Variants in CHST2 observed in about 807,000 individuals in gnomAD.
CHST2 encodes N-acetylglucosamine 6-O-sulfotransferase 1.
Under a neutral mutation model 34.6 loss-of-function variants are expected in CHST2, and 23 were observed. The ratio of observed to expected loss-of-function variants is 0.67; its 90% CI spans 0.48 to 0.94. The LOEUF is 0.94. Ranked by LOEUF, CHST2 falls within the 40% of genes least tolerant of loss-of-function variation. CHST2 has a pLI of 0.00. For missense variants in CHST2, 720 were observed against 759.5 expected (o/e 0.95, Z 0.61); for synonymous variants, 392 against 343.1 (o/e 1.14, Z -1.58).
chr3:143,123,238 T>A lies in CHST2; in HGVS notation c.*829T>A, dbSNP rs1212508043. The A allele has an allele frequency of 6.6e-6, 1 of 152,172 alleles. No individual in the cohort carries two copies. Among genetic ancestry groups the A allele is most frequent in the East Asian group, 1.9e-4 (1 of 5,188 alleles). The allele number at this position is 152,172 out of a possible 1,614,324, so 9.4% of individuals were successfully genotyped here. A position where few individuals can be genotyped will look rare whatever the true frequency, so the allele number is the denominator to read the frequency against. ...GGCAGTGGAAGAAAAAGCACACTAC[T>A]CTCTTCAACTTTGAACACAGGAAGA... On this transcript the variant is annotated 3_prime_UTR_variant, in exon 2 of 2. Coordinates refer to ENST00000309575, the MANE Select transcript of CHST2 (RefSeq NM_004267.5).
Position 143,121,306 on chromosome 3 carries a change from C to A in CHST2, c.490C>A (p.Arg164=). ...GGGCACCGGGGGCGTCGGGGACAAGCGGCAGCTGGTGTACGTGTTCACCAC... is the reference window on the plus strand; with the variant it reads ...GGGCACCGGGGGCGTCGGGGACAAGAGGCAGCTGGTGTACGTGTTCACCAC... ...TRGTGGVGDK[R]QLVYVFTTWR... Residue 164 remains arginine, a synonymous_variant, in exon 2 of 2, where the codon CGG becomes AGG. Transcript: ENST00000309575. The A allele has an allele frequency of 6.2e-7, 1 of 1,612,590 alleles. No homozygotes were observed. The highest frequency in any genetic ancestry group is 8.5e-7 in the Non-Finnish European group (1 of 1,179,614).
At position 143,120,879 on chromosome 3, in the gene CHST2, G is replaced by A. The variant is rs987958703; in HGVS notation, c.63G>A (p.Ala21=). The A allele has an allele frequency of 2.8e-6, 4 of 1,449,478 alleles. No individual in the cohort carries two copies. Among genetic ancestry groups the A allele is most frequent in the Middle Eastern group, 2.5e-4 (1 of 4,066 alleles). 89.8% of individuals were successfully genotyped at this position (1,449,478 alleles called of 1,614,324 possible). The part of the protein sequence containing the change: ...PGALPRLLQA[A]PAAAPRALLP... Reference sequence around the variant, plus strand: ...CGCTCCCTCGGCTGCTCCAGGCTGCGCCTGCAGCCGCGCCGCGTGCCCTGC... The same window carrying A: ...CGCTCCCTCGGCTGCTCCAGGCTGCACCTGCAGCCGCGCCGCGTGCCCTGC... The change falls in exon 2 of 2, where the codon GCG becomes GCA. Residue 21 remains alanine, a synonymous_variant. Transcript: ENST00000309575. The surrounding 1 kb of genome is among the most constrained non-coding windows in gnomAD (Gnocchi z 4.1).
At position 143,122,267 on chromosome 3, in the gene CHST2, G is replaced by T. The variant is rs201105723; in HGVS notation, c.1451G>T (p.Arg484Leu). The change falls in exon 2 of 2, where the codon CGG becomes CTG. Residue 484 changes from arginine to leucine, a missense_variant. By Grantham distance (102) the Arg-to-Leu change is moderately radical. This residue lies in a region of CHST2 where 224 missense variants were observed against 227.8 expected (regional missense o/e 0.98). Coordinates refer to ENST00000309575, the MANE Select transcript of CHST2 (RefSeq NM_004267.5). ...GCCACGCAGGCCGCCAATGCCTGGC[G>T]GACCGCCCTCACCTTCCAGCAGATC... ...RNATQAANAW[R>L]TALTFQQIKQ... 1 of 1,614,106 alleles carries T rather than the reference G, an allele frequency of 6.2e-7. No individual in the cohort carries two copies. Among genetic ancestry groups the T allele is most frequent in the Non-Finnish European group, 8.5e-7 (1 of 1,180,026 alleles).
chr3:143,122,088 G>C lies in CHST2; in HGVS notation c.1272G>C (p.Arg424=), dbSNP rs1214699142. Residue 424 remains arginine (R), a synonymous_variant, in exon 2 of 2, where the codon CGG becomes CGC. Coordinates refer to ENST00000309575, the MANE Select transcript of CHST2 (RefSeq NM_004267.5). ...TGCAGGGCCACTACCTGGTGGTGCG[G>C]TACGAGGACCTGGTGGGAGACCCCG... ...DWLQGHYLVV[R]YEDLVGDPVK... The C allele has an allele frequency of 6.2e-7, 1 of 1,614,190 alleles. No homozygotes were observed. Among genetic ancestry groups the C allele is most frequent in the South Asian group, 1.1e-5 (1 of 91,088 alleles).
At position 143,123,410 on chromosome 3, in the gene CHST2, T is replaced by G. The variant is rs1936257633; in HGVS notation, c.*1001T>G. The G allele has an allele frequency of 6.6e-6, 1 of 152,214 alleles. No homozygotes were observed. Among genetic ancestry groups the G allele is most frequent in the South Asian group, 2.1e-4 (1 of 4,830 alleles). The allele number at this position is 152,214 out of a possible 1,614,324, so 9.4% of individuals were successfully genotyped here. A position where few individuals can be genotyped will look rare whatever the true frequency, so the allele number is the denominator to read the frequency against. On this transcript the variant is annotated 3_prime_UTR_variant, in exon 2 of 2. Coordinates refer to ENST00000309575, the MANE Select transcript of CHST2 (RefSeq NM_004267.5). Reference sequence around the variant, plus strand: ...AAAAGTATGTAATTTTTAAAAGTTCTGATGATTAGAACACAGACCTCAGGA... The same window carrying G: ...AAAAGTATGTAATTTTTAAAAGTTCGGATGATTAGAACACAGACCTCAGGA...
At position 143,121,043 on chromosome 3, in the gene CHST2, A is replaced by C; in HGVS notation, c.227A>C (p.Tyr76Ser). ...LVLTMLNLLD[Y>S]KWHKEPLQQC... ...CTCACTATGCTCAACCTCCTGGACT[A>C]CAAGTGGCACAAGGAGCCGCTGCAG... Residue 76 changes from tyrosine to serine, a missense_variant, in exon 2 of 2, where the codon TAC becomes TCC. Tyr to Ser is a moderately radical substitution (Grantham distance 144). Around this residue, in one of 4 missense-constraint regions of CHST2, gnomAD observed 287 missense variants for 242.7 expected, o/e 1.18. Transcript: ENST00000309575. 2 of 1,524,718 alleles carry C rather than the reference A, an allele frequency of 1.3e-6. No homozygotes were observed. Among genetic ancestry groups the C allele is most frequent in the Non-Finnish European group, 1.8e-6 (2 of 1,137,184 alleles). 94.4% of individuals were successfully genotyped at this position (1,524,718 alleles called of 1,614,324 possible).
chr3:143,121,383 G>T lies in CHST2; in HGVS notation c.567G>T (p.Glu189Asp). 1 of 1,613,764 alleles carries T rather than the reference G, an allele frequency of 6.2e-7. No individual in the cohort carries two copies. The highest frequency in any genetic ancestry group is 8.5e-7 in the Non-Finnish European group (1 of 1,180,016). Residue 189 changes from glutamate (E) to aspartate (D), a missense_variant, in exon 2 of 2, where the codon GAG becomes GAT. Physicochemically the swap from Glu to Asp is conservative, Grantham distance 45. Transcript: ENST00000309575. Reference sequence around the variant, plus strand: ...GCGAGCTATTCAACCAGAATCCCGAGGTGTTCTTTCTCTACGAGCCAGTGT... The same window carrying T: ...GCGAGCTATTCAACCAGAATCCCGATGTGTTCTTTCTCTACGAGCCAGTGT... The part of the protein sequence containing the change: ...FFGELFNQNP[E>D]VFFLYEPVWH...
Position 143,121,515 on chromosome 3 carries a change from G to C in CHST2, c.699G>C (p.Leu233Phe), listed in dbSNP as rs1936217816. Residue 233 changes from leucine to phenylalanine, a missense_variant, in exon 2 of 2, where the codon TTG (leucine) becomes TTC (phenylalanine). Around this residue, in one of 4 missense-constraint regions of CHST2, gnomAD observed 166 missense variants for 211.4 expected, o/e 0.79. Transcript: ENST00000309575. ...LYRCDLSVFQ[L>F]YSPAGSGGRN... ...GCTGCGACCTCTCTGTCTTCCAGTT[G>C]TATAGCCCCGCGGGCAGCGGGGGGC... 6 of 1,611,072 alleles carry C rather than the reference G, an allele frequency of 3.7e-6. No homozygotes were observed. In the East Asian group the frequency reaches 1.3e-4, roughly 36 times the overall value.
Position 143,120,098 on chromosome 3 carries a change from C to G in CHST2, c.-617C>G, listed in dbSNP as rs1272689974. On this transcript the variant is annotated 5_prime_UTR_variant, in exon 1 of 2. Coordinates refer to ENST00000309575, the MANE Select transcript of CHST2 (RefSeq NM_004267.5). The surrounding 1 kb of genome is among the most constrained non-coding windows in gnomAD (Gnocchi z 4.1). ...CCGCCGCCGCCGCTGCGGGGTCGCG[C>G]TGTGCCCCATCCACCGCTGCCAGAG... 6.6e-6 allele frequency: 1 copy of G among 152,486 alleles called. No homozygotes were observed. Among genetic ancestry groups the G allele is most frequent in the Non-Finnish European group, 1.5e-5 (1 of 68,340 alleles). The allele number at this position is 152,486 out of a possible 1,614,324, so 9.4% of individuals were successfully genotyped here.
At position 143,120,862 on chromosome 3, in the gene CHST2, C is replaced by T. The variant is rs552485505; in HGVS notation, c.46C>T (p.Arg16Trp). The change falls in exon 2 of 2, where the codon CGG (arginine) becomes TGG (tryptophan). Residue 16 changes from arginine to tryptophan, a missense_variant. Physicochemically the swap from Arg to Trp is moderately radical, Grantham distance 101. Coordinates refer to ENST00000309575, the MANE Select transcript of CHST2 (RefSeq NM_004267.5). The surrounding 1 kb of genome is among the most constrained non-coding windows in gnomAD (Gnocchi z 4.1). Reference sequence around the variant, plus strand: ...AGCTCTGCCCCCGGGCGCGCTCCCTCGGCTGCTCCAGGCTGCGCCTGCAGC... The same window carrying T: ...AGCTCTGCCCCCGGGCGCGCTCCCTTGGCTGCTCCAGGCTGCGCCTGCAGC... The part of the protein sequence containing the change: ...QRALPPGALP[R>W]LLQAAPAAAP... 813 of 1,377,312 alleles carry T rather than the reference C, an allele frequency of 5.9e-4. 11 individuals are homozygous for T. The African/African-American group carries it at 0.011, about 18-fold the overall frequency. 85.3% of individuals were successfully genotyped at this position (1,377,312 alleles called of 1,614,324 possible).
At position 143,120,707 on chromosome 3, in the gene CHST2, C is replaced by T; in HGVS notation, c.-110C>T. The T allele has an allele frequency of 1.9e-6, 2 of 1,066,966 alleles. No homozygotes were observed. The highest frequency in any genetic ancestry group is 2.3e-6 in the Non-Finnish European group (2 of 856,230). 66.1% of individuals were successfully genotyped at this position (1,066,966 alleles called of 1,614,324 possible). On this transcript the variant is annotated 5_prime_UTR_variant, in exon 2 of 2. Coordinates refer to ENST00000309575, the MANE Select transcript of CHST2 (RefSeq NM_004267.5). The surrounding 1 kb of genome is among the most constrained non-coding windows in gnomAD (Gnocchi z 4.1). The stretch of plus-strand genomic sequence containing the variant: ...GGGCGCTGGGGACCAGCCGCCGCGC[C>T]CGCCTCGGAGTCGCGGCCCGAGTCC...
rs927836336 is a variant in CHST2, at chr3:143,120,895, C to A, written c.79C>A (p.Arg27Ser). ...CCAGGCTGCGCCTGCAGCCGCGCCG[C>A]GTGCCCTGCTCCCGCAGTGGCCCCG... The part of the protein sequence containing the change: ...LLQAAPAAAP[R>S]ALLPQWPRRP... Residue 27 changes from arginine to serine, a missense_variant, in exon 2 of 2, where the codon CGT becomes AGT. Coordinates refer to ENST00000309575, the MANE Select transcript of CHST2 (RefSeq NM_004267.5). The surrounding 1 kb of genome is among the most constrained non-coding windows in gnomAD (Gnocchi z 4.1). 6.7e-7 allele frequency: 1 copy of A among 1,491,582 alleles called. No homozygotes were observed. Among genetic ancestry groups the A allele is most frequent in the Non-Finnish European group, 8.9e-7 (1 of 1,121,960 alleles). 92.4% of individuals were successfully genotyped at this position (1,491,582 alleles called of 1,614,324 possible). A position where few individuals can be genotyped will look rare whatever the true frequency, so the allele number is the denominator to read the frequency against.
rs535580758 is a variant in CHST2 at position 143,121,267 on chromosome 3, G to A, written c.451G>A (p.Gly151Ser). The change falls in exon 2 of 2, where the codon GGC (glycine) becomes AGC (serine). Residue 151 changes from glycine (G) to serine (S), a missense_variant. Coordinates refer to ENST00000309575, the MANE Select transcript of CHST2 (RefSeq NM_004267.5). ...AGMAGVAAPP[G>S]NGTRGTGGVG... ...GATGGCGGGGGTTGCGGCCCCTCCA[G>A]GCAATGGCACTCGGGGCACCGGGGG... 6.2e-6 allele frequency: 10 copies of A among 1,602,880 alleles called. No individual in the cohort carries two copies. The South Asian group carries it at 1.1e-4, about 18-fold the overall frequency.
At position 143,121,220 on chromosome 3, in the gene CHST2, C is replaced by A; in HGVS notation, c.404C>A (p.Ala135Glu). 1 of 1,573,550 alleles carries A rather than the reference C, an allele frequency of 6.4e-7. No individual in the cohort carries two copies. The highest frequency in any genetic ancestry group is 8.6e-7 in the Non-Finnish European group (1 of 1,163,982). The part of the protein sequence containing the change: ...PYRPPAAAVG[A>E]APAAAAGMAG... ...CGCCCTCCCGCTGCCGCCGTCGGGGCGGCTCCTGCAGCCGCGGCAGGGATG... is the reference window on the plus strand; with the variant it reads ...CGCCCTCCCGCTGCCGCCGTCGGGGAGGCTCCTGCAGCCGCGGCAGGGATG... The change falls in exon 2 of 2, where the codon GCG becomes GAG. Residue 135 changes from alanine (A) to glutamate (E), a missense_variant. This residue lies in a region of CHST2 where 287 missense variants were observed against 242.7 expected (regional missense o/e 1.18). Transcript: ENST00000309575.
At position 143,122,379 on chromosome 3, in the gene CHST2, C is replaced by G. The variant is rs1220503515; in HGVS notation, c.1563C>G (p.Ser521Arg). 2.5e-6 allele frequency: 4 copies of G among 1,604,348 alleles called. No homozygotes were observed. The African/African-American group carries it at 5.4e-5, about 22-fold the overall frequency. ...GCCCTGAGGAGGTCAAAGACCTCAG[C>G]AAGACCCTGCTTCGGAAGCCCCGTC... ...VNSPEEVKDL[S>R]KTLLRKPRL The change falls in exon 2 of 2, where the codon AGC (serine) becomes AGG (arginine). Residue 521 changes from serine (S) to arginine (R), a missense_variant. Physicochemically the swap from Ser to Arg is moderately radical, Grantham distance 110. Around this residue, in one of 4 missense-constraint regions of CHST2, gnomAD observed 224 missense variants for 227.8 expected, o/e 0.98. Coordinates refer to ENST00000309575, the MANE Select transcript of CHST2 (RefSeq NM_004267.5).
In CHST2 at chr3:143,119,893, A is replaced by G. The variant is rs1257316607; in HGVS notation, c.-822A>G. On this transcript the variant is annotated 5_prime_UTR_variant, in exon 1 of 2. The change creates a new upstream start codon in the 5' untranslated region. Coordinates refer to ENST00000309575, the MANE Select transcript of CHST2 (RefSeq NM_004267.5). The stretch of plus-strand genomic sequence containing the variant: ...CGGCGGGGTCTTTCTTTGCTTAAAT[A>G]CCTCGTTGGCCAGAAGCGCTGGTAC... 20 of 107,482 alleles carry G rather than the reference A, an allele frequency of 1.9e-4. No homozygotes were observed. Among genetic ancestry groups the G allele is most frequent in the Non-Finnish European group, 3.5e-5 (2 of 57,680 alleles). 6.7% of individuals were successfully genotyped at this position (107,482 alleles called of 1,614,324 possible).
At position 143,121,035 on chromosome 3, in the gene CHST2, C is replaced by A; in HGVS notation, c.219C>A (p.Leu73=). The A allele has an allele frequency of 6.5e-7, 1 of 1,529,318 alleles. No homozygotes were observed. Among genetic ancestry groups the A allele is most frequent in the Non-Finnish European group, 8.8e-7 (1 of 1,138,938 alleles). 94.7% of individuals were successfully genotyped at this position (1,529,318 alleles called of 1,614,324 possible). The change falls in exon 2 of 2, where the codon CTC becomes CTA. Residue 73 remains leucine (L), a synonymous_variant. Coordinates refer to ENST00000309575, the MANE Select transcript of CHST2 (RefSeq NM_004267.5). The part of the protein sequence containing the change: ...ALLLVLTMLN[L]LDYKWHKEPL... Reference sequence around the variant, plus strand: ...TGCTGGTGCTCACTATGCTCAACCTCCTGGACTACAAGTGGCACAAGGAGC... The same window carrying A: ...TGCTGGTGCTCACTATGCTCAACCTACTGGACTACAAGTGGCACAAGGAGC...
rs759784405 is a variant in CHST2 at position 143,122,181 on chromosome 3, C to T, written c.1365C>T (p.Ala455=). Residue 455 remains alanine (A), a synonymous_variant, in exon 2 of 2, where the codon GCC becomes GCT. Coordinates refer to ENST00000309575, the MANE Select transcript of CHST2 (RefSeq NM_004267.5). The part of the protein sequence containing the change: ...LLVSPEMEQF[A]LNMTSGSGSS... ...TGAGCCCCGAAATGGAGCAGTTTGC[C>T]CTGAACATGACCAGTGGCTCGGGCT... The T allele has an allele frequency of 5.6e-6, 9 of 1,614,186 alleles. No individual in the cohort carries two copies. The highest frequency in any genetic ancestry group is 5.0e-5 in the Admixed American group (3 of 60,030).
Position 143,121,497 on chromosome 3 carries a change from C to T in CHST2, c.681C>T (p.Asp227=). 1.2e-6 allele frequency: 2 copies of T among 1,612,122 alleles called. No homozygotes were observed. Among genetic ancestry groups the T allele is most frequent in the East Asian group, 2.2e-5 (1 of 44,832 alleles). ...TGCTGAGCGCTCTTTACCGCTGCGA[C>T]CTCTCTGTCTTCCAGTTGTATAGCC... ...RDMLSALYRC[D]LSVFQLYSPA... is the part of the protein sequence containing the mutation. The change falls in exon 2 of 2, where the codon GAC becomes GAT. Residue 227 remains aspartate (D), a synonymous_variant. Coordinates refer to ENST00000309575, the MANE Select transcript of CHST2 (RefSeq NM_004267.5).
Sources: gnomAD v4.1 joint callset for allele counts on GRCh38, gnomAD v4.1.1 for gene constraint, gnomAD v4.1.1 regional missense constraint, Gnocchi (gnomAD v3.1) non-coding constraint, MANE v1.5 for transcripts, NCBI Gene and HGNC (gene_info 2026-07-23, HGNC 2026-07-21) for gene names.